The following SIRT5 variants were observed in gnomAD, a reference collection of about 807,000 sequenced individuals.
SIRT5 encodes sirtuin 5, also known as NAD-dependent protein deacylase sirtuin-5, mitochondrial.
A neutral mutation model predicts 40.0 loss-of-function variants in SIRT5; 26 were observed. That is an observed-to-expected ratio of 0.65 (90% CI 0.48 to 0.90). SIRT5 has a LOEUF of 0.90. Ranked by LOEUF, SIRT5 falls within the 40% of genes least tolerant of loss-of-function variation. The probability of loss-of-function intolerance (pLI) is 0.00; values close to 1 mark genes in which losing one functional copy is unlikely to be tolerated. For missense variants in SIRT5, 401 were observed against 402.4 expected (o/e 1.00, Z 0.03); for synonymous variants, 146 against 149.1 (o/e 0.98, Z 0.15).
Position 13,591,652 on chromosome 6 carries a change from T to C in SIRT5, c.250-17T>C. 6.6e-7 allele frequency: 1 copy of C among 1,516,912 alleles called. No individual in the cohort carries two copies. The highest frequency in any genetic ancestry group is 8.9e-7 in the Non-Finnish European group (1 of 1,123,814). The allele number at this position is 1,516,912 out of a possible 1,614,324, so 94.0% of individuals were successfully genotyped here. A position where few individuals can be genotyped will look rare whatever the true frequency, so the allele number is the denominator to read the frequency against. ...TGTCTCTGCCTCCCTCACTCCTGCC[T>C]CCTCTCCCACTCCCAGGACCTGGCG... On this transcript the variant is annotated splice_polypyrimidine_tract_variant and intron_variant, in intron 4 of 9. Coordinates refer to ENST00000606117, the MANE Select transcript of SIRT5 (RefSeq NM_012241.5).
intron 9 of SIRT5, among the ~76,000 whole-genome samples, chr6:13,606,367 G>A (rs886638372): frequency 6.6e-6 from 1 of 152,164 alleles, no homozygotes; most frequent in Non-Finnish European, 1.5e-5. Context: ...TGCTGTTGGA[G>A]TTTAGAAGTC....
At chr6:13,574,310 C>T (rs955795393), upstream of SIRT5, among the ~76,000 whole-genome samples, 1 of 152,128 alleles carries the variant, frequency 6.6e-6, no homozygotes, top group Admixed American at 6.5e-5. Context: ...CCCGCAGGTG[C>T]GTCTCTGCCT....
chr6:13,603,749 C>T (rs971979314), intron 9 of SIRT5, among the ~76,000 whole-genome samples: 2 of 152,172 alleles, frequency 1.3e-5, no homozygotes, highest in African/African-American at 4.8e-5. Flanking sequence ...AATCTGTACA[C>T]AAATGTTCAT....
intron 7 of SIRT5, 151 bp from the exon 8 acceptor site, chr6:13,598,881 G>C (rs1000194051): frequency 2.7e-6 from 2 of 731,352 alleles, no homozygotes; most frequent in Admixed American, 2.7e-5. Context: ...AGCAAGGCAA[G>C]TTTATATAGG....
intron 2 of SIRT5, among the ~76,000 whole-genome samples, chr6:13,581,553 T>C (rs183108566): frequency 1.3e-5 from 2 of 152,344 alleles, no homozygotes; most frequent in South Asian, 2.1e-4. Context: ...AGAGTTATTA[T>C]TGGATAACAC....
chr6:13,590,950 GTT>G (rs910332486), intron 4 of SIRT5, among the ~76,000 whole-genome samples: 1 of 115,748 alleles, frequency 8.6e-6, no homozygotes, highest in Admixed American at 8.1e-5. Flanking sequence ...AGTTGTGTGT[GTT>G]TAGTTTGTGT....
At chr6:13,599,924 C>G (rs138456387) in intron 8 of SIRT5, among the ~76,000 whole-genome samples, 1 of 152,220 alleles carries the variant, frequency 6.6e-6, no homozygotes, top group Non-Finnish European at 1.5e-5. Context: ...CGCAGCAGTT[C>G]ACTTAGCATG....
At chr6:13,598,209 A>G (rs1204737776) in intron 7 of SIRT5, among the ~76,000 whole-genome samples, 1 of 152,208 alleles carries the variant, frequency 6.6e-6, no homozygotes, top group African/African-American at 2.4e-5. Context: ...GGAGATTACT[A>G]TGATGAAAAT....
At chr6:13,581,959 T>G (rs979012150) in intron 2 of SIRT5, among the ~76,000 whole-genome samples, 1 of 152,214 alleles carries the variant, frequency 6.6e-6, no homozygotes, top group African/African-American at 2.4e-5. Context: ...CTTCCACCTT[T>G]TAGATAAGAT....
chr6:13,585,434 G>A (rs1759941176), intron 3 of SIRT5, among the ~76,000 whole-genome samples: 1 of 130,272 alleles, frequency 7.7e-6, no homozygotes, highest in African/African-American at 2.9e-5. Flanking sequence ...GATGTTACCC[G>A]CCCTGTACCC....
At chr6:13,603,984 C>T (rs1201115596) in intron 9 of SIRT5, among the ~76,000 whole-genome samples, 1 of 152,112 alleles carries the variant, frequency 6.6e-6, no homozygotes, top group African/African-American at 2.4e-5. Flanking sequence ...TACGAAATAT[C>T]TAGAATAGGC....
chr6:13,585,372 C>T (rs752903553), intron 3 of SIRT5, among the ~76,000 whole-genome samples: 8 of 152,036 alleles, frequency 5.3e-5, no homozygotes, highest in Non-Finnish European at 8.8e-5. Flanking sequence ...AGGTATTTCT[C>T]CTGATGCTAT....
intron 7 of SIRT5, among the ~76,000 whole-genome samples, chr6:13,598,784 G>A (rs1308993271): frequency 2.1e-5 from 3 of 145,838 alleles, no homozygotes; most frequent in Admixed American, 1.4e-4. Context: ...GGAGACCATG[G>A]CATTGCACTT....
At chr6:13,583,796 C>T (rs1281907096) in intron 2 of SIRT5, among the ~76,000 whole-genome samples, 3 of 152,114 alleles carry the variant, frequency 2.0e-5, no homozygotes, top group Non-Finnish European at 4.4e-5. Context: ...GTGATGGCGA[C>T]GCTGCTGGTC....
chr6:13,576,350 C>G (rs1263259695), intron 1 of SIRT5, among the ~76,000 whole-genome samples: 1 of 152,166 alleles, frequency 6.6e-6, no homozygotes, highest in Non-Finnish European at 1.5e-5. Context: ...GCCATTCTAA[C>G]AAGCGTGAGG....
upstream of SIRT5, chr6:13,574,452 G>T (rs1348749177): frequency 6.6e-6 from 1 of 152,188 alleles, no homozygotes; most frequent in Non-Finnish European, 1.5e-5. Context: ...GGTGGCACCG[G>T]TCCGCGGTGC....
chr6:13,604,657 C>T, intron 9 of SIRT5: 13 of 1,418,030 alleles, frequency 9.2e-6, no homozygotes, highest in Non-Finnish European at 1.1e-5. Context: ...GGCCCAGCAT[C>T]CCTTGGATAT....
At chr6:13,575,014 G>A (rs781157939) in intron 1 of SIRT5, among the ~76,000 whole-genome samples, 8 of 152,176 alleles carry the variant, frequency 5.3e-5, no homozygotes, top group Non-Finnish European at 1.0e-4. Flanking sequence ...GGAGCCGTCA[G>A]GTTCTGCTGA....
chr6:13,574,898 G>C (rs931307801), intron 1 of SIRT5, among the ~76,000 whole-genome samples, 154 bp downstream of exon 1: 2 of 152,092 alleles, frequency 1.3e-5, no homozygotes, highest in African/African-American at 4.8e-5. Context: ...TCCCTTTTCA[G>C]AAAGGTCACC....
Sources: gnomAD v4.1 joint callset for allele counts (sites outside exome capture counted in the v4.1 genomes callset) on GRCh38, gnomAD v4.1.1 for gene constraint, MANE v1.5 for transcripts, NCBI Gene and HGNC (gene_info 2026-07-23, HGNC 2026-07-21) for gene names.